CPT1A: variants seen among roughly 807,000 people sequenced by gnomAD.
CPT1A encodes carnitine palmitoyltransferase 1A, also known as carnitine O-palmitoyltransferase 1, liver isoform.
CPT1A carries 64 observed loss-of-function variants against 100.8 expected under a neutral mutation model. The ratio of observed to expected loss-of-function variants is 0.63; its 90% confidence interval spans 0.52 to 0.78. The LOEUF (loss-of-function observed/expected upper bound fraction) is 0.78, where lower values mean the gene tolerates loss of function less well. Among genes scored for constraint, CPT1A ranks in the 30% least tolerant of loss-of-function variants. CPT1A has a pLI of 0.00. For synonymous variants in CPT1A, 363 were observed against 396.0 expected (o/e 0.92, Z 0.99); for missense variants, 802 against 1,034.1 (o/e 0.78, Z 3.08).
intron 16 of CPT1A, 123 bp downstream of exon 16, chr11:68,761,412 C>G: frequency 8.8e-7 from 1 of 1,133,840 alleles, no homozygotes; most frequent in Non-Finnish European, 1.3e-6. Context: ...GACAGCTACA[C>G]CCACAGACCC....
At chr11:68,778,650 C>T (rs1288745065) in intron 12 of CPT1A, among the ~76,000 whole-genome samples, 1 of 151,106 alleles carries the variant, frequency 6.6e-6, no homozygotes, top group Admixed American at 6.6e-5. Context: ...GAGCTGAAAT[C>T]GCACCACTGC....
intron 6 of CPT1A, among the ~76,000 whole-genome samples, chr11:68,798,555 G>A (rs1286541283): frequency 6.6e-6 from 1 of 152,062 alleles, no homozygotes; most frequent in South Asian, 2.1e-4. Context: ...CCAGCTCCCC[G>A]CACACAGGGT....
At position 68,804,095 on chromosome 11, in the gene CPT1A, C is replaced by A; in HGVS notation, c.460G>T (p.Val154Phe). The change falls in exon 5 of 19, where the codon GTC becomes TTC. Residue 154 changes from valine (V) to phenylalanine (F), a missense_variant. Val to Phe is a conservative substitution (Grantham distance 50). This residue lies in a region of CPT1A where 161 missense variants were observed against 183.7 expected (regional missense o/e 0.88). Coordinates refer to ENST00000265641, the MANE Select transcript of CPT1A (RefSeq NM_001876.4). ...SRATKIWMGMVKIFSGRKPML... is the reference protein window; with the variant it reads ...SRATKIWMGMFKIFSGRKPML... Reference sequence around the variant, plus strand: ...GGTTTTCGGCCTGAAAAGATCTTGACCATACCCTGAAGAGAGAGAATTATA... The same window carrying A: ...GGTTTTCGGCCTGAAAAGATCTTGAACATACCCTGAAGAGAGAGAATTATA... 6.2e-7 allele frequency: 1 copy of A among 1,612,236 alleles called. No homozygotes were observed. Among genetic ancestry groups the A allele is most frequent in the Middle Eastern group, 1.7e-4 (1 of 6,060 alleles).
At chr11:68,782,734 C>T in intron 10 of CPT1A, among the ~76,000 whole-genome samples, 1 of 152,198 alleles carries the variant, frequency 6.6e-6, no homozygotes, top group South Asian at 2.1e-4. Context: ...CTCTCCCCAC[C>T]TTCTTCTCTC....
At position 68,761,616 on chromosome 11, in the gene CPT1A, G is replaced by A. The variant is rs766536084; in HGVS notation, c.1947C>T (p.Thr649=). ...KHQHMYRLAM[T]GSGIDRHLFC... Reference sequence around the variant, plus strand: ...AGAGGTGACGATCGATCCCAGAGCCGGTCATGGCGAGGCGATACATATGCT... The same window carrying A: ...AGAGGTGACGATCGATCCCAGAGCCAGTCATGGCGAGGCGATACATATGCT... The change falls in exon 16 of 19, where the codon ACC becomes ACT. Residue 649 remains threonine (T), a synonymous_variant. Coordinates refer to ENST00000265641, the MANE Select transcript of CPT1A (RefSeq NM_001876.4). 1.5e-5 allele frequency: 24 copies of A among 1,614,062 alleles called. No individual in the cohort carries two copies. The highest frequency in any genetic ancestry group is 1.3e-4 in the South Asian group (12 of 91,074).
At position 68,773,403 on chromosome 11, in the gene CPT1A, C is replaced by T; in HGVS notation, c.1602G>A (p.Leu534=). Reference sequence around the variant, plus strand: ...CGTTTGCCAGAAGATTTGCGGTGTTCAGGGAGGTCTCTATAACCTCTTGAC... The same window carrying T: ...CGTTTGCCAGAAGATTTGCGGTGTTTAGGGAGGTCTCTATAACCTCTTGAC... ...GECQEVIETS[L]NTANLLANDV... The change falls in exon 14 of 19, where the codon CTG becomes CTA. Residue 534 remains leucine, a synonymous_variant. Transcript: ENST00000265641. 6.2e-7 allele frequency: 1 copy of T among 1,614,040 alleles called. No individual in the cohort carries two copies. Among genetic ancestry groups the T allele is most frequent in the South Asian group, 1.1e-5 (1 of 91,066 alleles).
intron 1 of CPT1A, among the ~76,000 whole-genome samples, chr11:68,838,572 TAAAA>T (rs1210532617): frequency 2.1e-5 from 2 of 95,514 alleles, no homozygotes; most frequent in African/African-American, 1.0e-4. Context: ...TGCACCTTTT[TAAAA>T]AAAAAAAAAA....
intron 14 of CPT1A, among the ~76,000 whole-genome samples, chr11:68,765,685 A>G (rs1594320317): frequency 6.6e-6 from 1 of 152,196 alleles, no homozygotes; most frequent in Non-Finnish European, 1.5e-5. Context: ...TCAATATTCA[A>G]TACTGATTTA....
At chr11:68,812,414 G>GGAGA in intron 3 of CPT1A, 23 bp downstream of exon 3, 1 of 1,613,952 alleles carries the variant, frequency 6.2e-7, no homozygotes, top group Non-Finnish European at 8.5e-7. Context: ...CCAGACAATT[G>GGAGA]GAGATTTCAC....
At chr11:68,783,049 C>T (rs1029201795) in intron 10 of CPT1A, among the ~76,000 whole-genome samples, 11 of 152,128 alleles carry the variant, frequency 7.2e-5, no homozygotes, top group Non-Finnish European at 1.3e-4. Flanking sequence ...CATCTTCACC[C>T]GAGATGCATC....
chr11:68,813,268 C>T (rs1258811045), intron 2 of CPT1A, among the ~76,000 whole-genome samples: 2 of 152,174 alleles, frequency 1.3e-5, no homozygotes, highest in South Asian at 2.1e-4. Context: ...CGGTGGCTCA[C>T]ACCTGTAACC....
intron 9 of CPT1A, among the ~76,000 whole-genome samples, chr11:68,786,753 T>C (rs1474721155): frequency 1.3e-5 from 2 of 152,166 alleles, no homozygotes; most frequent in Non-Finnish European, 2.9e-5. Flanking sequence ...GGTCTCAAAC[T>C]CCTGACCTCA....
downstream of CPT1A, chr11:68,754,677 G>C: frequency 1.5e-6 from 1 of 688,386 alleles, no homozygotes; most frequent in Non-Finnish European, 2.7e-6. Context: ...TCTCAGCATT[G>C]AGGCAATGGA....
At chr11:68,801,188 T>G (rs1855896380) in intron 5 of CPT1A, among the ~76,000 whole-genome samples, 2 of 151,860 alleles carry the variant, frequency 1.3e-5, no homozygotes, top group African/African-American at 4.8e-5. Context: ...AGACAGAAAA[T>G]CATGCCCTGA....
intron 17 of CPT1A, 103 bp downstream of exon 17, chr11:68,760,122 G>A (rs1403893758): frequency 3.8e-6 from 3 of 797,548 alleles, no homozygotes; most frequent in Non-Finnish European, 6.5e-6. Flanking sequence ...CGGTAGAACC[G>A]CAAGGTAACG....
At chr11:68,828,582 C>A (rs1019580525) in intron 1 of CPT1A, among the ~76,000 whole-genome samples, 6 of 152,164 alleles carry the variant, frequency 3.9e-5, no homozygotes, top group African/African-American at 1.4e-4. Context: ...GCTGGGAGCC[C>A]CAGCACGCTG....
chr11:68,758,303 C>T (rs1946732996), intron 18 of CPT1A, among the ~76,000 whole-genome samples: 1 of 152,096 alleles, frequency 6.6e-6, no homozygotes, highest in Admixed American at 6.6e-5. Flanking sequence ...AAGAAAACCG[C>T]AGTGAACAAA....
chr11:68,754,897 G>A lies in CPT1A; in HGVS notation c.*2747C>T. On this transcript the variant is annotated 3_prime_UTR_variant, in exon 19 of 19. Coordinates refer to ENST00000265641, the MANE Select transcript of CPT1A (RefSeq NM_001876.4). The stretch of plus-strand genomic sequence containing the variant: ...AGAAACAAATCTTGTAGTAGACTGG[G>A]GTTAATGTTTTATTAATGATAACCT... 3.9e-6 allele frequency: 3 copies of A among 776,946 alleles called. No individual in the cohort carries two copies. Among genetic ancestry groups the A allele is most frequent in the Middle Eastern group, 2.3e-4 (1 of 4,426 alleles). 48.1% of individuals were successfully genotyped at this position (776,946 alleles called of 1,614,324 possible). A position where few individuals can be genotyped will look rare whatever the true frequency, so the allele number is the denominator to read the frequency against.
At chr11:68,799,884 C>T (rs1010004577) in intron 5 of CPT1A, among the ~76,000 whole-genome samples, 6 of 152,122 alleles carry the variant, frequency 3.9e-5, no homozygotes, top group African/African-American at 1.4e-4. Flanking sequence ...ACTTTTTCTT[C>T]CTTTATTAGC....
Sources: allele counts gnomAD v4.1 joint callset (sites outside exome capture counted in the v4.1 genomes callset), GRCh38; gene constraint gnomAD v4.1.1; regional missense constraint gnomAD v4.1.1; transcripts MANE v1.5; gene names NCBI Gene and HGNC (gene_info 2026-07-23, HGNC 2026-07-21).